The following MAP2 variants were observed in gnomAD, a reference collection of about 807,000 sequenced individuals.
MAP2 encodes the protein microtubule-associated protein 2.
MAP2 carries 14 observed loss-of-function variants against 137.6 expected under a neutral mutation model. The ratio of observed to expected loss-of-function variants is 0.10; its 90% confidence interval spans 0.07 to 0.16. The LOEUF is 0.16. MAP2 is among the 10% of genes least tolerant of loss of function. The pLI, the probability that MAP2 is intolerant of heterozygous loss-of-function variation, is 1.00. For missense variants in MAP2, 2,088 were observed against 2,191.5 expected (o/e 0.95, Z 0.94); for synonymous variants, 786 against 782.3 (o/e 1.00, Z -0.08).
intron 1 of MAP2, among the ~76,000 whole-genome samples, chr2:209,484,355 C>G (rs1394166097): frequency 2.0e-5 from 3 of 148,938 alleles, no homozygotes; most frequent in African/African-American, 7.4e-5. Context: ...GCCCGTAATC[C>G]CAGCACTTTG....
At chr2:209,645,813 C>T (rs547694788) in intron 4 of MAP2, among the ~76,000 whole-genome samples, 6 of 152,238 alleles carry the variant, frequency 3.9e-5, no homozygotes, top group African/African-American at 1.2e-4. Context: ...AAAGTAAATA[C>T]TGCATTAAGC....
intron 4 of MAP2, among the ~76,000 whole-genome samples, chr2:209,628,782 A>G (rs1292765389): frequency 6.6e-6 from 1 of 152,120 alleles, no homozygotes; most frequent in African/African-American, 2.4e-5. Context: ...GGCAGAGACT[A>G]TGATGTTCAG....
intron 2 of MAP2, among the ~76,000 whole-genome samples, chr2:209,515,114 G>T (rs2062286767): frequency 6.6e-6 from 1 of 152,066 alleles, no homozygotes; most frequent in Non-Finnish European, 1.5e-5. Context: ...TATCAACTTT[G>T]TGTTGCTTTA....
intron 1 of MAP2, among the ~76,000 whole-genome samples, chr2:209,440,180 G>GAT (rs1325278199): frequency 6.6e-6 from 1 of 151,378 alleles, no homozygotes; most frequent in African/African-American, 2.4e-5. Context: ...TATTCACCAT[G>GAT]ATATCCCAGT....
intron 1 of MAP2, among the ~76,000 whole-genome samples, chr2:209,461,357 A>T (rs78843285): frequency 6.6e-6 from 1 of 152,238 alleles, no homozygotes; most frequent in Non-Finnish European, 1.5e-5. Flanking sequence ...ACCATGCCAG[A>T]CAGTATGGAT....
At chr2:209,540,630 CAAAAA>C (rs749183996) in intron 2 of MAP2, among the ~76,000 whole-genome samples, 25 of 27,580 alleles carry the variant, frequency 9.1e-4, no homozygotes, top group Middle Eastern at 0.056. Flanking sequence ...GACTCCGTCT[CAAAAA>C]AAAAAAAAAA....
intron 5 of MAP2, among the ~76,000 whole-genome samples, chr2:209,653,958 T>A (rs2153612480): frequency 6.6e-6 from 1 of 152,320 alleles, no homozygotes; most frequent in South Asian, 2.1e-4. Context: ...ACTTCATGAA[T>A]CAGATGATCT....
At chr2:209,648,681 C>T (rs56003833) in intron 4 of MAP2, among the ~76,000 whole-genome samples, 2 of 144,790 alleles carry the variant, frequency 1.4e-5, no homozygotes, top group Non-Finnish European at 3.0e-5. Context: ...CCCAGCTACT[C>T]AGGAGGCTGA....
Position 209,490,450 on chromosome 2 carries a change from G to A in MAP2, c.-221-17142G>A, listed in dbSNP as rs569825354. The stretch of plus-strand genomic sequence containing the variant: ...CAATACGAACCTTAAGTGTAAATGG[G>A]CTAAATGCCCCAATTAAAAGGCACA... On this transcript the variant is annotated intron_variant, in intron 1 of 15. Coordinates refer to ENST00000682079, the MANE Select transcript of MAP2 (RefSeq NM_001375505.1). 8.6e-5 allele frequency among the ~76,000 whole-genome samples: 13 copies of A among 151,114 alleles called. No homozygotes were observed. In the South Asian group the frequency reaches 2.7e-3, roughly 32 times the overall value.
intron 2 of MAP2, among the ~76,000 whole-genome samples, chr2:209,511,223 T>C (rs962265035): frequency 6.6e-6 from 1 of 152,182 alleles, no homozygotes; most frequent in Non-Finnish European, 1.5e-5. Flanking sequence ...AAAGAAAATA[T>C]TGGATATAAC....
At chr2:209,594,238 T>G (rs1207286111) in intron 3 of MAP2, among the ~76,000 whole-genome samples, 2 of 151,980 alleles carry the variant, frequency 1.3e-5, no homozygotes, top group Non-Finnish European at 2.9e-5. Context: ...CACCATGTGT[T>G]TTAGTTCTGC....
At chr2:209,714,075 C>A (rs1370469361) in intron 13 of MAP2, among the ~76,000 whole-genome samples, 1 of 151,920 alleles carries the variant, frequency 6.6e-6, no homozygotes, top group Non-Finnish European at 1.5e-5. Flanking sequence ...GTGGTGGGCA[C>A]CAGTAATCCC....
chr2:209,604,885 C>G (rs1423579514), intron 3 of MAP2, among the ~76,000 whole-genome samples: 2 of 152,084 alleles, frequency 1.3e-5, no homozygotes, highest in African/African-American at 2.4e-5. Context: ...GAAATAAACT[C>G]CCAATTCTAA....
intron 1 of MAP2, among the ~76,000 whole-genome samples, chr2:209,500,987 A>G (rs1055190764): frequency 1.4e-5 from 2 of 147,242 alleles, no homozygotes; most frequent in Non-Finnish European, 3.0e-5. Context: ...GGAGTGAGCC[A>G]TGATCATTCC....
intron 1 of MAP2, among the ~76,000 whole-genome samples, chr2:209,470,320 T>C (rs1705328039): frequency 6.6e-6 from 1 of 152,152 alleles, no homozygotes; most frequent in South Asian, 2.1e-4. Context: ...GCAAGGGATC[T>C]TGTATATTTA....
intron 5 of MAP2, among the ~76,000 whole-genome samples, chr2:209,676,771 A>G (rs1275002085): frequency 9.3e-6 from 1 of 107,422 alleles, no homozygotes; most frequent in Non-Finnish European, 1.9e-5. Flanking sequence ...ATATATATAT[A>G]TCTCCCAATT....
chr2:209,549,461 T>G (rs2068733401), intron 2 of MAP2, among the ~76,000 whole-genome samples: 1 of 152,184 alleles, frequency 6.6e-6, no homozygotes, highest in African/African-American at 2.4e-5. Flanking sequence ...TCTCTAGAAC[T>G]GTGTTATTAT....
chr2:209,527,186 T>G (rs1026428533), intron 2 of MAP2, among the ~76,000 whole-genome samples: 2 of 152,168 alleles, frequency 1.3e-5, no homozygotes, highest in Non-Finnish European at 2.9e-5. Context: ...TATCACCCTG[T>G]GTAGAAATAA....
At chr2:209,700,426 A>T in intron 11 of MAP2, 88 bp downstream of exon 11, 1 of 1,066,804 alleles carries the variant, frequency 9.4e-7, no homozygotes, top group Non-Finnish European at 1.4e-6. Flanking sequence ...TATTGTTTAG[A>T]TATTTACTCT....
Sources: allele counts gnomAD v4.1 joint callset (sites outside exome capture counted in the v4.1 genomes callset), GRCh38; gene constraint gnomAD v4.1.1; transcripts MANE v1.5; gene names NCBI Gene and HGNC (gene_info 2026-07-23, HGNC 2026-07-21).